GABRA4: variants seen among roughly 807,000 people sequenced by gnomAD.
GABRA4 encodes the protein gamma-aminobutyric acid receptor subunit alpha-4.
In GABRA4, 12 loss-of-function variants were observed where a neutral mutation model predicts 49.7. The ratio of observed to expected loss-of-function variants is 0.24; its 90% confidence interval spans 0.15 to 0.39. GABRA4 has a LOEUF of 0.39. Among genes scored for constraint, GABRA4 ranks in the 10% least tolerant of loss-of-function variants. The pLI is 1.00. For missense variants in GABRA4, 506 were observed against 686.0 expected (o/e 0.74, Z 2.93); for synonymous variants, 288 against 240.2 (o/e 1.20, Z -1.84).
chr4:46,977,641 T>C lies in GABRA4; in HGVS notation c.274-11A>G, dbSNP rs1156862822. Reference sequence around the variant, plus strand: ...ATCCATTGTGTATTCCTAGGACAATTATTTTGGAACATATTTAAGTTGCAA... The same window carrying C: ...ATCCATTGTGTATTCCTAGGACAATCATTTTGGAACATATTTAAGTTGCAA... On this transcript the variant is annotated splice_polypyrimidine_tract_variant and intron_variant, in intron 3 of 8. Transcript: ENST00000264318. The C allele has an allele frequency of 3.8e-6, 6 of 1,580,498 alleles. No homozygotes were observed. The highest frequency in any genetic ancestry group is 5.2e-6 in the Non-Finnish European group (6 of 1,157,130).
At chr4:46,931,875 T>G (rs1176735429) in intron 8 of GABRA4, among the ~76,000 whole-genome samples, 1 of 151,994 alleles carries the variant, frequency 6.6e-6, no homozygotes, top group African/African-American at 2.4e-5. Context: ...GATTCATGAG[T>G]GTTCCGTTAA....
At chr4:46,968,896 C>T (rs1017924720) in intron 7 of GABRA4, among the ~76,000 whole-genome samples, 11 of 151,642 alleles carry the variant, frequency 7.3e-5, no homozygotes, top group Admixed American at 4.6e-4. Flanking sequence ...CAGACAGTCA[C>T]ATTAACCTAT....
chr4:46,919,251 T>G lies in GABRA4; in HGVS notation c.*8974A>C, dbSNP rs868573188. 12 of 151,712 alleles carry G rather than the reference T, an allele frequency of 7.9e-5. 1 individual carries two copies. The highest frequency in any genetic ancestry group is 6.9e-3 in the Middle Eastern group (2 of 290). 9.4% of individuals were successfully genotyped at this position (151,712 alleles called of 1,614,324 possible). On this transcript the variant is annotated 3_prime_UTR_variant, in exon 9 of 9. Transcript: ENST00000264318. ...AAAATCATTTCCTGATGAATTACTT[T>G]AAAATAGTAAACCAATATTTGATAA...
chr4:46,942,658 A>G (rs1336092149), intron 8 of GABRA4, among the ~76,000 whole-genome samples: 1 of 151,524 alleles, frequency 6.6e-6, no homozygotes, highest in African/African-American at 2.4e-5. Flanking sequence ...TGTCTTACAT[A>G]CTGTCTCAGT....
intron 2 of GABRA4, among the ~76,000 whole-genome samples, chr4:46,992,184 C>T (rs1371090840): frequency 6.6e-6 from 1 of 152,164 alleles, no homozygotes; most frequent in African/African-American, 2.4e-5. Flanking sequence ...AATGGATGTA[C>T]CTCTATTAAG....
At chr4:46,962,797 A>C (rs1577773793) in intron 8 of GABRA4, among the ~76,000 whole-genome samples, 1 of 152,034 alleles carries the variant, frequency 6.6e-6, no homozygotes, top group Non-Finnish European at 1.5e-5. Flanking sequence ...ACCCAGAAAC[A>C]AATCCACACA....
chr4:46,976,940 C>T (rs952825685), intron 5 of GABRA4, 121 bp downstream of exon 5: 12 of 560,804 alleles, frequency 2.1e-5, no homozygotes, highest in South Asian at 7.2e-5. Context: ...GAAATAAAAC[C>T]GGACAGTTTT....
At chr4:46,968,694 C>T (rs189646038) in intron 7 of GABRA4, among the ~76,000 whole-genome samples, 22 of 151,704 alleles carry the variant, frequency 1.5e-4, no homozygotes, top group Non-Finnish European at 2.4e-4. Context: ...CCTGCTACTT[C>T]GTTTTCTTAA....
At chr4:46,959,281 C>T (rs559139825) in intron 8 of GABRA4, among the ~76,000 whole-genome samples, 2 of 152,032 alleles carry the variant, frequency 1.3e-5, no homozygotes, top group South Asian at 4.1e-4. Flanking sequence ...GGTGGGCCAA[C>T]CCATTAATCA....
In GABRA4 at chr4:46,971,311, G is replaced by A. The variant is rs370092153; in HGVS notation, c.722-76C>T. On this transcript the variant is annotated intron_variant, in intron 6 of 8. Transcript: ENST00000264318. ...TCAATGGCTTCATAAACATATTTCA[G>A]ACTAACAAACAGGATTCTAAGGAAA... 14 of 1,325,950 alleles carry A rather than the reference G, an allele frequency of 1.1e-5. No individual in the cohort carries two copies. The East Asian group carries it at 2.1e-4, about 20-fold the overall frequency. 82.1% of individuals were successfully genotyped at this position (1,325,950 alleles called of 1,614,324 possible).
chr4:46,982,841 C>T (rs752203168), intron 2 of GABRA4, among the ~76,000 whole-genome samples: 8 of 151,948 alleles, frequency 5.3e-5, no homozygotes, highest in Non-Finnish European at 1.0e-4. Context: ...TTGTTCAAGT[C>T]GAGAGTTGGT....
chr4:46,985,866 T>A (rs1224937274), intron 2 of GABRA4, among the ~76,000 whole-genome samples: 1 of 152,016 alleles, frequency 6.6e-6, no homozygotes, highest in Non-Finnish European at 1.5e-5. Flanking sequence ...GACGTATTTC[T>A]TTCAGCTATG....
rs929631904 is a variant in GABRA4, at chr4:46,922,503, C to T, written c.*5722G>A. On this transcript the variant is annotated 3_prime_UTR_variant, in exon 9 of 9. Transcript: ENST00000264318. The stretch of plus-strand genomic sequence containing the variant: ...AATGAAAAAGCAGATGAAGCTCACG[C>T]CAGATAAAAACTTTTTCAAGAAATA... The T allele has an allele frequency of 1.3e-5, 2 of 151,810 alleles. No individual in the cohort carries two copies. Among genetic ancestry groups the T allele is most frequent in the African/African-American group, 4.8e-5 (2 of 41,292 alleles). 9.4% of individuals were successfully genotyped at this position (151,810 alleles called of 1,614,324 possible). A position where few individuals can be genotyped will look rare whatever the true frequency, so the allele number is the denominator to read the frequency against.
chr4:46,950,716 A>AAAAT lies in GABRA4; in HGVS notation c.1134+14250_1134+14253dup, dbSNP rs57199994. On this transcript the variant is annotated intron_variant, in intron 8 of 8. Transcript: ENST00000264318. The stretch of plus-strand genomic sequence containing the variant: ...TTTTAAGCTAATGATATTCTCTAAG[A>AAAAT]AAATAAATAAATAAATAAATAAATA... 3.5e-3 allele frequency among the ~76,000 whole-genome samples: 487 copies of AAAAT among 140,312 alleles called. 1 individual carries two copies. The highest frequency in any genetic ancestry group is 0.014 in the Middle Eastern group (4 of 278). 92.1% of individuals were successfully genotyped at this position (140,312 alleles called of 152,430 possible). A position where few individuals can be genotyped will look rare whatever the true frequency, so the allele number is the denominator to read the frequency against.
At chr4:46,992,087 C>A (rs529594059) in intron 2 of GABRA4, among the ~76,000 whole-genome samples, 2 of 152,246 alleles carry the variant, frequency 1.3e-5, no homozygotes, top group East Asian at 1.9e-4. Flanking sequence ...TTTCTGTGGA[C>A]CTAGTACCTA....
intron 8 of GABRA4, among the ~76,000 whole-genome samples, chr4:46,955,770 A>G (rs1722317761): frequency 6.6e-6 from 1 of 152,112 alleles, no homozygotes; most frequent in South Asian, 2.1e-4. Context: ...AAAATCTGGC[A>G]GTAAGTATAC....
At chr4:46,990,764 A>G (rs1201406088) in intron 2 of GABRA4, among the ~76,000 whole-genome samples, 1 of 152,356 alleles carries the variant, frequency 6.6e-6, no homozygotes, top group South Asian at 2.1e-4. Context: ...TGCATTGACA[A>G]ATGATTCACC....
chr4:46,949,893 T>C (rs1025478196), intron 8 of GABRA4, among the ~76,000 whole-genome samples: 3 of 152,116 alleles, frequency 2.0e-5, no homozygotes, highest in African/African-American at 7.2e-5. Context: ...GGATTCACCA[T>C]ATAAAAATCT....
At chr4:46,941,094 C>G (rs1180537016) in intron 8 of GABRA4, among the ~76,000 whole-genome samples, 2 of 151,794 alleles carry the variant, frequency 1.3e-5, no homozygotes, top group Non-Finnish European at 2.9e-5. Flanking sequence ...AATGGCTCAT[C>G]AGCACATTAA....
Sources: gnomAD v4.1 joint callset for allele counts (sites outside exome capture counted in the v4.1 genomes callset) on GRCh38, gnomAD v4.1.1 for gene constraint, MANE v1.5 for transcripts, NCBI Gene and HGNC (gene_info 2026-07-23, HGNC 2026-07-21) for gene names.